CDS1: variants seen among roughly 807,000 people sequenced by gnomAD.
CDS1 encodes the protein phosphatidate cytidylyltransferase 1.
In CDS1, 41 loss-of-function variants were observed where a neutral mutation model predicts 62.1. The observed-to-expected ratio is 0.66, with a 90% CI of 0.51 to 0.86. The LOEUF (loss-of-function observed/expected upper bound fraction) is 0.86. Among genes scored for constraint, CDS1 ranks in the 40% least tolerant of loss-of-function variants. The pLI, the probability that CDS1 is intolerant of heterozygous loss-of-function variation, is 0.00. For synonymous variants in CDS1, 185 were observed against 192.6 expected (o/e 0.96, Z 0.32); for missense variants, 470 against 550.1 (o/e 0.85, Z 1.46).
At chr4:84,596,533 A>G (rs1179260786) in intron 1 of CDS1, among the ~76,000 whole-genome samples, 1 of 152,176 alleles carries the variant, frequency 6.6e-6, no homozygotes, top group African/African-American at 2.4e-5. Flanking sequence ...CTGATCCTCC[A>G]GTCTTCCACT....
chr4:84,616,704 T>A (rs1206628536), intron 3 of CDS1, among the ~76,000 whole-genome samples: 2 of 152,232 alleles, frequency 1.3e-5, no homozygotes, highest in African/African-American at 4.8e-5. Flanking sequence ...TTCATGATAA[T>A]AAGTGTTCAA....
intron 1 of CDS1, among the ~76,000 whole-genome samples, chr4:84,585,162 C>T (rs961046836): frequency 2.0e-5 from 3 of 152,184 alleles, no homozygotes; most frequent in African/African-American, 7.2e-5. Flanking sequence ...TGATTTGACT[C>T]ATTAGAACTG....
At chr4:84,636,812 A>C (rs1338922597) in intron 8 of CDS1, among the ~76,000 whole-genome samples, 3 of 152,252 alleles carry the variant, frequency 2.0e-5, no homozygotes, top group Admixed American at 6.5e-5. Context: ...GGCGTGAGCC[A>C]CCACACCCGG....
intron 10 of CDS1, 58 bp from the exon 11 acceptor site, chr4:84,642,966 G>T: frequency 6.5e-7 from 1 of 1,534,658 alleles, no homozygotes. Context: ...CAGGTGGTAT[G>T]CTCAAATACA....
chr4:84,632,296 A>G (rs1458135885), intron 6 of CDS1, among the ~76,000 whole-genome samples: 2 of 152,150 alleles, frequency 1.3e-5, no homozygotes, highest in South Asian at 4.2e-4. Context: ...CTTGGTGGTT[A>G]TGGTTAGTCA....
In CDS1 at chr4:84,650,006, T is replaced by C. The variant is rs1321742261; in HGVS notation, c.*1320T>C. ...TGTATTAAACAATCAGCACTAAACC[T>C]TCAAAAATTGCCCAGTGTTCCTAGT... On this transcript the variant is annotated 3_prime_UTR_variant, in exon 13 of 13. Transcript: ENST00000295887. 6.6e-6 allele frequency: 1 copy of C among 152,152 alleles called. No individual in the cohort carries two copies. Among genetic ancestry groups the C allele is most frequent in the Non-Finnish European group, 1.5e-5 (1 of 68,016 alleles). 9.4% of individuals were successfully genotyped at this position (152,152 alleles called of 1,614,324 possible). A position where few individuals can be genotyped will look rare whatever the true frequency, so the allele number is the denominator to read the frequency against.
Position 84,635,301 on chromosome 4 carries a change from A to T in CDS1, c.760A>T (p.Ile254Leu), listed in dbSNP as rs1204814833. 3 of 1,584,390 alleles carry T rather than the reference A, an allele frequency of 1.9e-6. No homozygotes were observed. The African/African-American group carries it at 4.1e-5, about 22-fold the overall frequency. The change falls in exon 8 of 13, where the codon ATA (isoleucine) becomes TTA (leucine). Residue 254 changes from isoleucine to leucine, a missense_variant. By Grantham distance (5) the Ile-to-Leu change is conservative. Around this residue, in one of 5 missense-constraint regions of CDS1, gnomAD observed 214 missense variants for 242.4 expected, o/e 0.88. Transcript: ENST00000295887. Reference sequence around the variant, plus strand: ...AATATCAAGTGTTATCTGCAATGACATAACTGCTTACCTTTTTGGATTTTT... The same window carrying T: ...AATATCAAGTGTTATCTGCAATGACTTAACTGCTTACCTTTTTGGATTTTT... ...VPISSVICND[I>L]TAYLFGFFFG...
chr4:84,645,469 G>T, intron 12 of CDS1, 144 bp downstream of exon 12: 1 of 603,632 alleles, frequency 1.7e-6, no homozygotes, highest in Non-Finnish European at 2.9e-6. Context: ...AGAGTCTTGA[G>T]CAAGATGGTT....
intron 1 of CDS1, among the ~76,000 whole-genome samples, chr4:84,589,562 T>C (rs1040323754): frequency 3.9e-5 from 6 of 152,250 alleles, no homozygotes; most frequent in African/African-American, 1.4e-4. Context: ...TATCAGTCAG[T>C]ATTACCACCT....
Position 84,619,531 on chromosome 4 carries a change from C to A in CDS1, c.578C>A (p.Ala193Glu). 2 of 1,572,828 alleles carry A rather than the reference C, an allele frequency of 1.3e-6. No individual in the cohort carries two copies. The highest frequency in any genetic ancestry group is 8.7e-7 in the Non-Finnish European group (1 of 1,154,206). ...TTTATATCATTTGCCCTCTATCTGG[C>A]AGGTAAGTTAAGGAATATTCTGTAT... ...HRFISFALYL[A>E]GFCMFVLSLV... Residue 193 changes from alanine to glutamate, a missense_variant and splice_region_variant, in exon 5 of 13, where the codon GCA becomes GAA. Transcript: ENST00000295887.
chr4:84,645,642 A>G (rs2148661886), intron 12 of CDS1, among the ~76,000 whole-genome samples: 1 of 152,300 alleles, frequency 6.6e-6, no homozygotes. Context: ...CATGAATACT[A>G]AGAGTTAAAA....
Position 84,635,301 on chromosome 4 carries a change from A to G in CDS1, c.760A>G (p.Ile254Val). The G allele has an allele frequency of 6.3e-7, 1 of 1,584,504 alleles. No individual in the cohort carries two copies. The highest frequency in any genetic ancestry group is 8.6e-7 in the Non-Finnish European group (1 of 1,161,874). Reference sequence around the variant, plus strand: ...AATATCAAGTGTTATCTGCAATGACATAACTGCTTACCTTTTTGGATTTTT... The same window carrying G: ...AATATCAAGTGTTATCTGCAATGACGTAACTGCTTACCTTTTTGGATTTTT... ...VPISSVICND[I>V]TAYLFGFFFG... is the part of the protein sequence containing the mutation. Residue 254 changes from isoleucine to valine, a missense_variant, in exon 8 of 13, where the codon ATA (isoleucine) becomes GTA (valine). Coordinates refer to ENST00000295887, the MANE Select transcript of CDS1 (RefSeq NM_001263.4).
intron 1 of CDS1, among the ~76,000 whole-genome samples, chr4:84,592,581 A>G (rs1722624853): frequency 6.6e-6 from 1 of 152,186 alleles, no homozygotes; most frequent in African/African-American, 2.4e-5. Context: ...AGGTCATGTC[A>G]TTGAATGTTT....
chr4:84,595,918 A>G (rs988096842), intron 1 of CDS1, among the ~76,000 whole-genome samples: 1 of 152,234 alleles, frequency 6.6e-6, no homozygotes, highest in East Asian at 1.9e-4. Context: ...ATGAGATATC[A>G]CTGGAGAAAG....
At chr4:84,632,322 C>G (rs980452662) in intron 6 of CDS1, among the ~76,000 whole-genome samples, 2 of 152,038 alleles carry the variant, frequency 1.3e-5, no homozygotes, top group African/African-American at 4.8e-5. Context: ...TTGTGTAATT[C>G]TTTTTGGCAT....
intron 2 of CDS1, among the ~76,000 whole-genome samples, chr4:84,608,452 G>C (rs1225729564): frequency 3.3e-5 from 5 of 152,156 alleles, no homozygotes; most frequent in Admixed American, 2.6e-4. Flanking sequence ...GAGATTACAG[G>C]CGTGAGCCAC....
intron 1 of CDS1, among the ~76,000 whole-genome samples, chr4:84,593,255 C>T (rs1722645186): frequency 6.6e-6 from 1 of 151,958 alleles, no homozygotes; most frequent in Non-Finnish European, 1.5e-5. Context: ...GAGGTTGGTA[C>T]AAAAAGGTAT....
At chr4:84,598,127 A>G (rs961164263) in intron 1 of CDS1, among the ~76,000 whole-genome samples, 8 of 130,938 alleles carry the variant, frequency 6.1e-5, no homozygotes, top group African/African-American at 2.7e-4. Flanking sequence ...CTCCATCTCC[A>G]AAAAAAAAAA....
At chr4:84,600,237 G>A (rs1722895351) in intron 1 of CDS1, among the ~76,000 whole-genome samples, 1 of 152,116 alleles carries the variant, frequency 6.6e-6, no homozygotes, top group African/African-American at 2.4e-5. Flanking sequence ...CGAATTTTGA[G>A]AGTTCTTTAT....
Sources: allele counts gnomAD v4.1 joint callset (sites outside exome capture counted in the v4.1 genomes callset), GRCh38; gene constraint gnomAD v4.1.1; regional missense constraint gnomAD v4.1.1; transcripts MANE v1.5; gene names NCBI Gene and HGNC (gene_info 2026-07-23, HGNC 2026-07-21).